Variants in MCM9 observed in about 807,000 individuals in gnomAD.
MCM9 encodes DNA helicase MCM9.
In MCM9, 55 loss-of-function variants were observed where a neutral mutation model predicts 72.8. The ratio of observed to expected loss-of-function variants is 0.76; its 90% CI spans 0.61 to 0.95. The LOEUF is 0.95. Ranked by LOEUF, MCM9 falls within the 40% of genes least tolerant of loss-of-function variation. The pLI is 0.00. For synonymous variants in MCM9, 480 were observed against 503.4 expected (o/e 0.95, Z 0.62); for missense variants, 1,279 against 1,377.0 (o/e 0.93, Z 1.13).
In MCM9 at chr6:118,815,474, T is replaced by G. The variant is rs1773352380; in HGVS notation, c.2782A>C (p.Lys928Gln). The change falls in exon 14 of 14, where the codon AAG becomes CAG. Residue 928 changes from lysine to glutamine, a missense_variant. Transcript: ENST00000619706. Reference sequence around the variant, plus strand: ...TCAAAGGAGTGGATCAGTTTTGACTTCTGCTTGAAAGTAAATTTTGCCAGT... The same window carrying G: ...TCAAAGGAGTGGATCAGTTTTGACTGCTGCTTGAAAGTAAATTTTGCCAGT... ...AKLAKFTFKQ[K>Q]SKLIHSFEDH... is the part of the protein sequence containing the mutation. 1.2e-5 allele frequency: 18 copies of G among 1,548,202 alleles called. No homozygotes were observed. Among genetic ancestry groups the G allele is most frequent in the Non-Finnish European group, 1.6e-5 (18 of 1,146,222 alleles).
intron 8 of MCM9, among the ~76,000 whole-genome samples, chr6:118,887,352 G>A (rs1339248958): frequency 6.6e-6 from 1 of 152,104 alleles, no homozygotes; most frequent in Non-Finnish European, 1.5e-5. Flanking sequence ...AATTCATTCT[G>A]AGAAAGGTTC....
chr6:118,871,826 G>C (rs1360483866), intron 8 of MCM9, among the ~76,000 whole-genome samples: 1 of 152,088 alleles, frequency 6.6e-6, no homozygotes, highest in African/African-American at 2.4e-5. Context: ...AGAATGGTTT[G>C]AGCCTGGGAG....
At chr6:118,930,749 C>T (rs904019785) in intron 3 of MCM9, among the ~76,000 whole-genome samples, 1 of 152,136 alleles carries the variant, frequency 6.6e-6, no homozygotes, top group African/African-American at 2.4e-5. Flanking sequence ...TACTTCCATG[C>T]AATGAACTAA....
chr6:118,894,459 TCTC>T (rs1779203212), intron 8 of MCM9: 2 of 1,536,954 alleles, frequency 1.3e-6, no homozygotes, highest in Non-Finnish European at 8.7e-7. Flanking sequence ...GGATAACCCT[TCTC>T]CTTTCTACAA....
chr6:118,848,716 G>C (rs144046613), intron 9 of MCM9, among the ~76,000 whole-genome samples: 4 of 152,088 alleles, frequency 2.6e-5, no homozygotes, highest in Non-Finnish European at 5.9e-5. Flanking sequence ...CTGAGCTCAG[G>C]AGTTTGAGAC....
intron 8 of MCM9, chr6:118,901,032 AGTCTCTGTGTCACAGAGG>A (rs1173379613): frequency 5.1e-6 from 3 of 593,568 alleles, no homozygotes; most frequent in Non-Finnish European, 9.0e-6. Context: ...TGTTTTAGGC[AGTCTCTGTGTCACAGAGG>A]AACTCTTACT....
chr6:118,897,552 A>G (rs1420663601), intron 8 of MCM9, among the ~76,000 whole-genome samples: 1 of 152,140 alleles, frequency 6.6e-6, no homozygotes, highest in East Asian at 1.9e-4. Flanking sequence ...CTAATTCCAA[A>G]GCCTACATAC....
chr6:118,864,823 G>C (rs1420204755), intron 8 of MCM9, among the ~76,000 whole-genome samples: 1 of 152,158 alleles, frequency 6.6e-6, no homozygotes, highest in African/African-American at 2.4e-5. Context: ...ATGGGCACTC[G>C]AGTACTTCTG....
chr6:118,872,907 G>A (rs950999442), intron 8 of MCM9, among the ~76,000 whole-genome samples: 20 of 152,006 alleles, frequency 1.3e-4, no homozygotes, highest in African/African-American at 2.9e-4. Context: ...AATGATTCAC[G>A]CCTGTAATCT....
At chr6:118,837,687 C>CT (rs1423541122) in intron 9 of MCM9, among the ~76,000 whole-genome samples, 2 of 151,802 alleles carry the variant, frequency 1.3e-5, no homozygotes, top group Admixed American at 6.6e-5. Flanking sequence ...GTAACCCCTG[C>CT]TTTTTTTTGC....
Position 118,816,297 on chromosome 6 carries a change from G to A in MCM9, c.1962-3C>T. On this transcript the variant is annotated splice_region_variant and splice_polypyrimidine_tract_variant and intron_variant, in intron 13 of 13. Transcript: ENST00000619706. ...GGTGCACACTCTGATTCTGTAACCT[G>A]TAGCAAAGACAAATAAATAAAACAT... 1 of 1,506,994 alleles carries A rather than the reference G, an allele frequency of 6.6e-7. No individual in the cohort carries two copies. The highest frequency in any genetic ancestry group is 8.9e-7 in the Non-Finnish European group (1 of 1,125,356). 93.4% of individuals were successfully genotyped at this position (1,506,994 alleles called of 1,614,324 possible). A position where few individuals can be genotyped will look rare whatever the true frequency, so the allele number is the denominator to read the frequency against.
intron 8 of MCM9, among the ~76,000 whole-genome samples, chr6:118,864,825 G>C (rs1008707184): frequency 6.6e-6 from 1 of 152,186 alleles, no homozygotes; most frequent in African/African-American, 2.4e-5. Flanking sequence ...GGGCACTCGA[G>C]TACTTCTGGG....
At chr6:118,923,186 C>A (rs999586425) in intron 4 of MCM9, among the ~76,000 whole-genome samples, 2 of 152,084 alleles carry the variant, frequency 1.3e-5, no homozygotes, top group African/African-American at 4.8e-5. Context: ...AAATGAAAAT[C>A]AGGCTCACTC....
chr6:118,892,237 T>C (rs1051743408), intron 8 of MCM9, among the ~76,000 whole-genome samples: 1 of 152,250 alleles, frequency 6.6e-6, no homozygotes, highest in Non-Finnish European at 1.5e-5. Context: ...AGCTAATTCT[T>C]GCAGCTTCCA....
At position 118,923,940 on chromosome 6, in the gene MCM9, G is replaced by T. The variant is rs764822140; in HGVS notation, c.492C>A (p.Tyr164Ter). The T allele has an allele frequency of 6.2e-7, 1 of 1,614,226 alleles. No homozygotes were observed. The highest frequency in any genetic ancestry group is 1.1e-5 in the South Asian group (1 of 91,086). ...GACACGAGGATGGCCGGCAAAAGGT[G>T]TAATACTGCTCAAAGTCAGCCTTGA... ...FVIKADFEQY[Y>*]TFCRPSSCPS... is the part of the protein sequence containing the mutation. The change falls in exon 4 of 14, where the codon TAC becomes TAA. Residue 164 changes from tyrosine (Y) to a stop codon, truncating the protein, a stop_gained. Transcript: ENST00000619706. LOFTEE classifies it high-confidence loss of function.
At chr6:118,859,990 T>A (rs758396145) in intron 8 of MCM9, among the ~76,000 whole-genome samples, 1 of 152,112 alleles carries the variant, frequency 6.6e-6, no homozygotes, top group Non-Finnish European at 1.5e-5. Flanking sequence ...GACTATAGAA[T>A]CCTTTCCCTT....
intron 8 of MCM9, chr6:118,910,687 TATTC>T (rs1780481028): frequency 2.0e-6 from 2 of 985,238 alleles, no homozygotes. Flanking sequence ...GCATGGGAAA[TATTC>T]TTTATATATT....
At chr6:118,874,675 A>G (rs753194719) in intron 8 of MCM9, among the ~76,000 whole-genome samples, 1 of 152,382 alleles carries the variant, frequency 6.6e-6, no homozygotes, top group East Asian at 1.9e-4. Context: ...ATAATCATCT[A>G]TGTAGGATGT....
rs62424035 is a variant in MCM9, at chr6:118,898,728, A to G, written c.1150+12922T>C. 5.7e-3 allele frequency among the ~76,000 whole-genome samples: 872 copies of G among 152,292 alleles called. 6 individuals carry two copies. The highest frequency in any genetic ancestry group is 1.0e-2 in the Non-Finnish European group (677 of 68,024). ...CCACTGCGCCCAGCCACTCTATGTG[A>G]TAATTCTTAGTCTTATCCTCACTTG... is the stretch of plus-strand genomic sequence containing the variant. On this transcript the variant is annotated intron_variant, in intron 8 of 13. Coordinates refer to ENST00000619706, the MANE Select transcript of MCM9 (RefSeq NM_017696.3).
Sources: allele counts gnomAD v4.1 joint callset (sites outside exome capture counted in the v4.1 genomes callset), GRCh38; gene constraint gnomAD v4.1.1; transcripts MANE v1.5; gene names NCBI Gene and HGNC (gene_info 2026-07-23, HGNC 2026-07-21).